Variants in MOB3B observed in about 807,000 individuals in gnomAD.
The protein encoded by MOB3B is MOB kinase activator-like 2B.
MOB3B carries 7 observed loss-of-function variants against 18.7 expected under a neutral mutation model. That is an observed-to-expected ratio of 0.37 (90% CI 0.21 to 0.70). The LOEUF (loss-of-function observed/expected upper bound fraction) is 0.70. Ranked by LOEUF, MOB3B falls within the 30% of genes least tolerant of loss-of-function variation. MOB3B has a pLI of 0.52. For synonymous variants in MOB3B, 111 were observed against 99.9 expected (o/e 1.11, Z -0.66); for missense variants, 253 against 281.3 (o/e 0.90, Z 0.72).
chr9:27,455,030 G>T (rs1822849311), intron 2 of MOB3B, 103 bp downstream of exon 2: 1 of 1,224,470 alleles, frequency 8.2e-7, no homozygotes, highest in Non-Finnish European at 1.2e-6. Flanking sequence ...TGAGTGATGG[G>T]ATTAATGCAT....
At chr9:27,335,254 T>C (rs1820846621) in intron 3 of MOB3B, among the ~76,000 whole-genome samples, 1 of 152,216 alleles carries the variant, frequency 6.6e-6, no homozygotes, top group African/African-American at 2.4e-5. Context: ...CACAGAGTCA[T>C]AGGCTGCTGT....
chr9:27,420,550 T>TATATATATAC (rs1198053914), intron 2 of MOB3B, among the ~76,000 whole-genome samples: 1 of 3,976 alleles, frequency 2.5e-4, no homozygotes, highest in African/African-American at 1.1e-3. Context: ...GTATATTCCA[T>TATATATATAC]ATATATATAT....
chr9:27,413,819 A>T (rs574980835), intron 2 of MOB3B, among the ~76,000 whole-genome samples: 1 of 152,366 alleles, frequency 6.6e-6, no homozygotes, highest in African/African-American at 2.4e-5. Flanking sequence ...ACTGTGAGCC[A>T]GAGACCTCTG....
chr9:27,478,987 A>T (rs1819605211), intron 1 of MOB3B, among the ~76,000 whole-genome samples: 1 of 152,306 alleles, frequency 6.6e-6, no homozygotes, highest in South Asian at 2.1e-4. Context: ...AGGCCAGATG[A>T]TAATGAAATG....
Position 27,437,221 on chromosome 9 carries a change from T to C in MOB3B, c.418+17912A>G, listed in dbSNP as rs189058785. 3.2e-3 allele frequency among the ~76,000 whole-genome samples: 488 copies of C among 152,320 alleles called. 4 individuals carry two copies. Among genetic ancestry groups the C allele is most frequent in the African/African-American group, 0.011 (457 of 41,572 alleles). On this transcript the variant is annotated intron_variant, in intron 2 of 3. Coordinates refer to ENST00000262244, the MANE Select transcript of MOB3B (RefSeq NM_024761.5). ...GAAAGTAGATAGTTAATATGATCTATGTTTTTTAAGAAAATAAATTATTTG... is the reference window on the plus strand; with the variant it reads ...GAAAGTAGATAGTTAATATGATCTACGTTTTTTAAGAAAATAAATTATTTG...
chr9:27,330,607 T>C lies in MOB3B; in HGVS notation c.631A>G (p.Thr211Ala). 2 of 1,614,118 alleles carry C rather than the reference T, an allele frequency of 1.2e-6. No individual in the cohort carries two copies. Among genetic ancestry groups the C allele is most frequent in the Non-Finnish European group, 1.7e-6 (2 of 1,179,994 alleles). The stretch of plus-strand genomic sequence containing the variant: ...GAGCATTAGTGACACATCCTGCTCG[T>C]CATTTCTTTCTGGAAAGCAAGGGGA... ...RKELEPLKEM[T>A]SRMCH is the part of the protein sequence containing the mutation. The change falls in exon 4 of 4, where the codon ACG becomes GCG. Residue 211 changes from threonine to alanine, a missense_variant. Physicochemically the swap from Thr to Ala is moderately conservative, Grantham distance 58. Coordinates refer to ENST00000262244, the MANE Select transcript of MOB3B (RefSeq NM_024761.5).
Position 27,330,374 on chromosome 9 carries a change from G to C in MOB3B, c.*213C>G. On this transcript the variant is annotated 3_prime_UTR_variant, in exon 4 of 4. Transcript: ENST00000262244. Reference sequence around the variant, plus strand: ...GGGCTGGTCCTTCTTTCACGTTGTGGTCTGCCTCGTCCACAGGTCTGGGCT... The same window carrying C: ...GGGCTGGTCCTTCTTTCACGTTGTGCTCTGCCTCGTCCACAGGTCTGGGCT... 1 of 550,406 alleles carries C rather than the reference G, an allele frequency of 1.8e-6. No individual in the cohort carries two copies. The highest frequency in any genetic ancestry group is 3.2e-6 in the Non-Finnish European group (1 of 315,354). 34.1% of individuals were successfully genotyped at this position (550,406 alleles called of 1,614,324 possible). A position where few individuals can be genotyped will look rare whatever the true frequency, so the allele number is the denominator to read the frequency against.
At chr9:27,477,338 A>C (rs1819569604) in intron 1 of MOB3B, among the ~76,000 whole-genome samples, 1 of 152,216 alleles carries the variant, frequency 6.6e-6, no homozygotes, top group Non-Finnish European at 1.5e-5. Flanking sequence ...GCCTGTGCTC[A>C]AAGGTCACTC....
chr9:27,483,028 TA>T (rs1819684326), intron 1 of MOB3B, among the ~76,000 whole-genome samples: 1 of 149,538 alleles, frequency 6.7e-6, no homozygotes, highest in African/African-American at 2.6e-5. Flanking sequence ...TGCACATACA[TA>T]TTTGAGGGCT....
intron 2 of MOB3B, among the ~76,000 whole-genome samples, chr9:27,440,376 C>T (rs1239249913): frequency 6.7e-6 from 1 of 148,706 alleles, no homozygotes; most frequent in Admixed American, 6.7e-5. Flanking sequence ...TAAATGATTC[C>T]TTCTTTTTTT....
At chr9:27,424,925 C>G (rs1822304853) in intron 2 of MOB3B, among the ~76,000 whole-genome samples, 1 of 152,188 alleles carries the variant, frequency 6.6e-6, no homozygotes, top group Admixed American at 6.5e-5. Flanking sequence ...TCTCTTCCAG[C>G]CTCTTCCCAA....
intron 3 of MOB3B, among the ~76,000 whole-genome samples, chr9:27,354,056 G>T (rs898861384): frequency 3.9e-5 from 6 of 152,218 alleles, no homozygotes; most frequent in Non-Finnish European, 7.3e-5. Context: ...CCCCCTCCCT[G>T]CTGGAGACCA....
At chr9:27,496,246 G>A (rs909172146) in intron 1 of MOB3B, among the ~76,000 whole-genome samples, 2 of 152,198 alleles carry the variant, frequency 1.3e-5, no homozygotes, top group African/African-American at 4.8e-5. Flanking sequence ...AGTTTGCCAA[G>A]TAAACCACTA....
chr9:27,512,539 C>A (rs1382933839), intron 1 of MOB3B, among the ~76,000 whole-genome samples: 3 of 152,054 alleles, frequency 2.0e-5, no homozygotes, highest in Non-Finnish European at 4.4e-5. Context: ...ATAGAAAATT[C>A]ATTTCATTTA....
intron 2 of MOB3B, among the ~76,000 whole-genome samples, chr9:27,450,296 G>T (rs923180215): frequency 1.2e-4 from 19 of 152,152 alleles, no homozygotes; most frequent in African/African-American, 4.3e-4. Flanking sequence ...GGTTCTGCCT[G>T]CTTTGTTCTC....
chr9:27,474,394 A>C (rs1819521209), intron 1 of MOB3B, among the ~76,000 whole-genome samples: 2 of 152,188 alleles, frequency 1.3e-5, no homozygotes. Context: ...ACTTCCCTAG[A>C]CATCATGGGC....
intron 2 of MOB3B, among the ~76,000 whole-genome samples, chr9:27,366,680 C>T (rs1003359386): frequency 6.6e-6 from 1 of 152,158 alleles, no homozygotes; most frequent in Non-Finnish European, 1.5e-5. Flanking sequence ...AAGAGAAAGG[C>T]CAACACCTGG....
chr9:27,384,156 A>G (rs1310761382), intron 2 of MOB3B, among the ~76,000 whole-genome samples: 2 of 152,072 alleles, frequency 1.3e-5, no homozygotes, highest in Non-Finnish European at 2.9e-5. Flanking sequence ...CAAGGGAGGA[A>G]TTATTATTCC....
chr9:27,499,827 T>C (rs1426122829), intron 1 of MOB3B, among the ~76,000 whole-genome samples: 1 of 152,142 alleles, frequency 6.6e-6, no homozygotes, highest in Non-Finnish European at 1.5e-5. Flanking sequence ...CAATCACTTT[T>C]TCTAGATATT....
Sources: gnomAD v4.1 joint callset for allele counts (sites outside exome capture counted in the v4.1 genomes callset) on GRCh38, gnomAD v4.1.1 for gene constraint, MANE v1.5 for transcripts, NCBI Gene and HGNC (gene_info 2026-07-23, HGNC 2026-07-21) for gene names.